SSUH2: variants seen among roughly 807,000 people sequenced by gnomAD.
The protein encoded by SSUH2 is protein SSUH2 homolog.
Under a neutral mutation model 55.3 loss-of-function variants are expected in SSUH2, and 47 were observed. The ratio of observed to expected loss-of-function variants is 0.85; its 90% CI spans 0.67 to 1.08. The LOEUF (loss-of-function observed/expected upper bound fraction) is 1.08, where lower values mean the gene tolerates loss of function less well. SSUH2 is among the 50% of genes least tolerant of loss of function. SSUH2 has a pLI of 0.00. For missense variants in SSUH2, 535 were observed against 490.7 expected, an observed-to-expected ratio of 1.09 and a Z score of -0.85; for synonymous variants, 212 against 191.5, an observed-to-expected ratio of 1.11 and a Z score of -0.89.
Position 8,665,947 on chromosome 3 carries a change from A to C in SSUH2, c.-454-2145T>G, listed in dbSNP as rs59798453. Reference sequence around the variant, plus strand: ...AAAAATGAGAAATGATGTTCACTACATGTTTACTTGTGTTCAGAGGATCAA... The same window carrying C: ...AAAAATGAGAAATGATGTTCACTACCTGTTTACTTGTGTTCAGAGGATCAA... On this transcript the variant is annotated intron_variant, in intron 5 of 18. Coordinates refer to the SSUH2 transcript ENST00000317371. Among the ~76,000 whole-genome samples, 785 of 152,132 alleles carry C rather than the reference A, an allele frequency of 5.2e-3. 8 individuals carry two copies. Among genetic ancestry groups the C allele is most frequent in the African/African-American group, 0.018 (746 of 41,492 alleles).
At chr3:8,631,780 C>A (rs1698836703) in intron 5 of SSUH2, among the ~76,000 whole-genome samples, 1 of 151,994 alleles carries the variant, frequency 6.6e-6, no homozygotes, top group South Asian at 2.1e-4. Flanking sequence ...AGCCCGGCCC[C>A]GTGTGGCAGC....
chr3:8,642,131 T>C (rs1331546837), intron 1 of SSUH2, among the ~76,000 whole-genome samples: 1 of 152,240 alleles, frequency 6.6e-6, no homozygotes, highest in East Asian at 1.9e-4. Context: ...CCCATCTTAC[T>C]TGAAGAGGCT....
At chr3:8,674,527 C>T (rs761255692) in intron 3 of SSUH2, among the ~76,000 whole-genome samples, 1 of 152,170 alleles carries the variant, frequency 6.6e-6, no homozygotes, top group African/African-American at 2.4e-5. Flanking sequence ...GTAACCGCCC[C>T]GGTCACCCCC....
At chr3:8,633,291 C>G (rs933608774) in intron 4 of SSUH2, among the ~76,000 whole-genome samples, 2 of 151,940 alleles carry the variant, frequency 1.3e-5, no homozygotes, top group Non-Finnish European at 2.9e-5. Context: ...CTACAGGCAC[C>G]CACCACCACG....
intron 5 of SSUH2, among the ~76,000 whole-genome samples, chr3:8,667,938 G>C (rs1704138952): frequency 6.6e-6 from 1 of 152,002 alleles, no homozygotes; most frequent in Non-Finnish European, 1.5e-5. Flanking sequence ...CCCACGGAGG[G>C]AGCTGGATGA....
chr3:8,634,570 T>C (rs1699576144), intron 3 of SSUH2: 1 of 1,289,790 alleles, frequency 7.8e-7, no homozygotes, highest in Non-Finnish European at 1.0e-6. Flanking sequence ...TGTCTTCAGA[T>C]CCATGGATGG....
intron 1 of SSUH2, chr3:8,640,151 T>C (rs902354566): frequency 4.7e-5 from 12 of 256,822 alleles, no homozygotes; most frequent in Non-Finnish European, 6.7e-5. Flanking sequence ...CAGAGAAGGA[T>C]GGTCATGGCT....
At chr3:8,666,125 C>T (rs1158078354) in intron 5 of SSUH2, among the ~76,000 whole-genome samples, 5 of 152,080 alleles carry the variant, frequency 3.3e-5, no homozygotes, top group African/African-American at 7.2e-5. Flanking sequence ...GCTTTTCAGA[C>T]AAAATATCAG....
chr3:8,631,657 C>G (rs1026469820), intron 5 of SSUH2, among the ~76,000 whole-genome samples: 1 of 151,806 alleles, frequency 6.6e-6, no homozygotes, highest in Non-Finnish European at 1.5e-5. Context: ...GGGGGCTCAG[C>G]AGAAGGTGGG....
At chr3:8,647,710 C>A (rs544087711), upstream of SSUH2, among the ~76,000 whole-genome samples, 1 of 152,342 alleles carries the variant, frequency 6.6e-6, no homozygotes, top group South Asian at 2.1e-4. Flanking sequence ...TGCACATCCA[C>A]CAGGAACCAG....
chr3:8,634,024 G>T (rs1041858462), intron 3 of SSUH2: 1 of 1,415,630 alleles, frequency 7.1e-7, no homozygotes, highest in Admixed American at 2.1e-5. Flanking sequence ...CACTTTAGTT[G>T]AAATGTGGAG....
At chr3:8,625,382 C>T (rs1214897579) in intron 10 of SSUH2, among the ~76,000 whole-genome samples, 160 bp downstream of exon 10, 2 of 152,042 alleles carry the variant, frequency 1.3e-5, no homozygotes, top group East Asian at 1.9e-4. Flanking sequence ...ACTGACAGCC[C>T]CCAGGCTCCC....
At chr3:8,642,957 C>A (rs1559432018) in intron 1 of SSUH2, among the ~76,000 whole-genome samples, 1 of 152,164 alleles carries the variant, frequency 6.6e-6, no homozygotes, top group East Asian at 1.9e-4. Flanking sequence ...CATCTGAGAC[C>A]AGCACTCAGG....
intron 5 of SSUH2, among the ~76,000 whole-genome samples, chr3:8,669,810 A>C (rs1412421672): frequency 6.6e-6 from 1 of 152,196 alleles, no homozygotes; most frequent in Non-Finnish European, 1.5e-5. Context: ...TGTACTCTTC[A>C]AGACTCTCAG....
intron 11 of SSUH2, among the ~76,000 whole-genome samples, chr3:8,622,947 G>A (rs891762777): frequency 6.6e-6 from 1 of 152,200 alleles, no homozygotes; most frequent in Non-Finnish European, 1.5e-5. Context: ...CAAGGTTCCT[G>A]TCCCGGCTGC....
chr3:8,671,886 C>G (rs1322478742), intron 4 of SSUH2: 1 of 146,710 alleles, frequency 6.8e-6, no homozygotes, highest in Non-Finnish European at 1.5e-5. Context: ...TCACCCCCCT[C>G]TCCCCACCTG....
intron 3 of SSUH2, among the ~76,000 whole-genome samples, chr3:8,673,351 A>G (rs1338515302): frequency 2.0e-5 from 3 of 152,026 alleles, no homozygotes; most frequent in Admixed American, 6.6e-5. Flanking sequence ...ACATTGCGCC[A>G]TTCCACCCCT....
rs771788642 is a variant in SSUH2, at chr3:8,681,113, C to A, written c.-1046+778G>T. On this transcript the variant is annotated intron_variant, in intron 1 of 18. Transcript: ENST00000317371. ...GAGAGGCACCCCCGCGAGGCGGGTT[C>A]TGAGAGCCAGCCCCTCTTCCCCCCC... Among the ~76,000 whole-genome samples the A allele has an allele frequency of 9.9e-3, 963 of 97,126 alleles. 115 individuals are homozygous for A. The highest frequency in any genetic ancestry group is 0.033 in the Middle Eastern group (4 of 122). The allele number at this position is 97,126 out of a possible 152,430, so 63.7% of individuals were successfully genotyped here.
Position 8,625,600 on chromosome 3 carries a change from G to T in SSUH2, c.815C>A (p.Pro272His). The change falls in exon 10 of 12, where the codon CCC (proline) becomes CAC (histidine). Residue 272 changes from proline to histidine, a missense_variant. By Grantham distance (77) the Pro-to-His change is moderately conservative. Coordinates refer to ENST00000544814, the MANE Select transcript of SSUH2 (RefSeq NM_001256748.3). ...EFVSEHRLNCPRELLAKAKGE... is the reference protein window; with the variant it reads ...EFVSEHRLNCHRELLAKAKGE... ...TTTGGCTTTAGCAAGGAGCTCCCTG[G>T]GGCAGTTGAGCCGGTGCTCAGACAC... The T allele has an allele frequency of 6.2e-7, 1 of 1,613,960 alleles. No homozygotes were observed. Among genetic ancestry groups the T allele is most frequent in the Non-Finnish European group, 8.5e-7 (1 of 1,179,932 alleles).
Sources: allele counts gnomAD v4.1 joint callset (sites outside exome capture counted in the v4.1 genomes callset), GRCh38; gene constraint gnomAD v4.1.1; transcripts MANE v1.5; gene names NCBI Gene and HGNC (gene_info 2026-07-23, HGNC 2026-07-21).